The following CLDND1 variants were observed in gnomAD, a reference collection of about 807,000 sequenced individuals.
The protein encoded by CLDND1 is claudin domain containing 1.
CLDND1 carries 13 observed loss-of-function variants against 26.3 expected under a neutral mutation model. That is an observed-to-expected ratio of 0.49 (90% confidence interval 0.32 to 0.78). The LOEUF (loss-of-function observed/expected upper bound fraction) is 0.78, where lower values mean the gene tolerates loss of function less well. CLDND1 is among the 30% of genes least tolerant of loss of function. The pLI is 0.03. For missense variants in CLDND1, 289 were observed against 312.8 expected, an observed-to-expected ratio of 0.92 and a Z score of 0.57; for synonymous variants, 107 against 107.0, an observed-to-expected ratio of 1.00 and a Z score of 0.00.
intron 2 of CLDND1, among the ~76,000 whole-genome samples, chr3:98,520,150 C>T (rs1244857198): frequency 6.6e-6 from 1 of 152,176 alleles, no homozygotes; most frequent in Non-Finnish European, 1.5e-5. Flanking sequence ...GTTCTCCCAG[C>T]TAAGAGGCCC....
intron 3 of CLDND1, among the ~76,000 whole-genome samples, chr3:98,517,573 C>CA (rs1167108883): frequency 2.0e-5 from 3 of 151,998 alleles, no homozygotes; most frequent in African/African-American, 7.3e-5. Context: ...TACAAATTTA[C>CA]AAATATATAG....
In CLDND1 at chr3:98,520,908, C is replaced by A. The variant is rs372401831; in HGVS notation, c.292+225G>T. The stretch of plus-strand genomic sequence containing the variant: ...ATAAGAAAAAAAAAAGCCATTAAGG[C>A]TTTCCCAAGATAAGAAAAGTTCCTC... On this transcript the variant is annotated intron_variant, in intron 2 of 4. Transcript: ENST00000341181. 9 of 442,186 alleles carry A rather than the reference C, an allele frequency of 2.0e-5. No individual in the cohort carries two copies. In the East Asian group the frequency reaches 2.3e-4, roughly 11 times the overall value. 27.4% of individuals were successfully genotyped at this position (442,186 alleles called of 1,614,324 possible).
intron 2 of CLDND1, chr3:98,520,895 A>G (rs1409534304): frequency 1.2e-5 from 5 of 420,264 alleles, no homozygotes; most frequent in Non-Finnish European, 2.1e-5. Context: ...AAGAAAAAAA[A>G]AAGCCATTAA....
Position 98,517,080 on chromosome 3 carries a change from A to C in CLDND1, c.513T>G (p.Ile171Met), listed in dbSNP as rs1447035022. 2 of 1,614,202 alleles carry C rather than the reference A, an allele frequency of 1.2e-6. No homozygotes were observed. Among genetic ancestry groups the C allele is most frequent in the Non-Finnish European group, 1.7e-6 (2 of 1,180,022 alleles). The change falls in exon 4 of 5, where the codon ATT becomes ATG. Residue 171 changes from isoleucine (I) to methionine (M), a missense_variant. Ile to Met is a conservative substitution (Grantham distance 10). Transcript: ENST00000341181. The part of the protein sequence containing the change: ...ACICRSLYPT[I>M]ATGILHLLAG... ...CAAGGAGATGGAGAATGCCCGTGGCAATGGTGGGATATAAGCTTCGGCAAA... is the reference window on the plus strand; with the variant it reads ...CAAGGAGATGGAGAATGCCCGTGGCCATGGTGGGATATAAGCTTCGGCAAA...
At chr3:98,518,569 A>C (rs754290181) in intron 3 of CLDND1, among the ~76,000 whole-genome samples, 4 of 152,228 alleles carry the variant, frequency 2.6e-5, no homozygotes, top group Admixed American at 2.0e-4. Flanking sequence ...GTTTAATTCA[A>C]ATATAGGAAT....
At chr3:98,517,454 T>C (rs1576267623) in intron 3 of CLDND1, 1 of 379,856 alleles carries the variant, frequency 2.6e-6, no homozygotes. Context: ...TCTGTATTAA[T>C]CCTCCCAACA....
Position 98,516,339 on chromosome 3 carries a change from AAC to A in CLDND1, c.*318_*319del. ...TTACTTTAGTTTTACTGAAAAGTCT[AAC>A]AGACATTAGCACAACTTGTTTTCGG... On this transcript the variant is annotated 3_prime_UTR_variant, in exon 5 of 5. Coordinates refer to ENST00000341181, the MANE Select transcript of CLDND1 (RefSeq NM_001040181.2). The A allele has an allele frequency of 2.7e-6, 3 of 1,097,914 alleles. No individual in the cohort carries two copies. Among genetic ancestry groups the A allele is most frequent in the Non-Finnish European group, 3.3e-6 (3 of 900,840 alleles). The allele number at this position is 1,097,914 out of a possible 1,614,324, so 68.0% of individuals were successfully genotyped here.
intron 1 of CLDND1, chr3:98,522,586 A>G: frequency 4.4e-6 from 6 of 1,374,332 alleles, no homozygotes; most frequent in Non-Finnish European, 5.6e-6. Context: ...TCCAAGCCGG[A>G]CGCCTGCAGC....
At chr3:98,522,249 T>C (rs1302296944) in intron 1 of CLDND1, 2 of 158,274 alleles carry the variant, frequency 1.3e-5, no homozygotes, top group Non-Finnish European at 2.8e-5. Context: ...ACTCTCAACA[T>C]ATCAACACTC....
rs1285450441 is a variant in CLDND1 at position 98,519,098 on chromosome 3, G to A, written c.293-103C>T. On this transcript the variant is annotated intron_variant, in intron 2 of 4. Coordinates refer to ENST00000341181, the MANE Select transcript of CLDND1 (RefSeq NM_001040181.2). ...TAAAACAGTAAAGGATGTTTCCAGA[G>A]GGGTCAGCAACTTCTCTGGCCCTGA... is the stretch of plus-strand genomic sequence containing the variant. 3 of 699,116 alleles carry A rather than the reference G, an allele frequency of 4.3e-6. No homozygotes were observed. In the African/African-American group the frequency reaches 5.4e-5, roughly 13 times the overall value. The allele number at this position is 699,116 out of a possible 1,614,324, so 43.3% of individuals were successfully genotyped here. A position where few individuals can be genotyped will look rare whatever the true frequency, so the allele number is the denominator to read the frequency against.
At chr3:98,522,767 G>T in intron 1 of CLDND1, 82 bp downstream of exon 1, 1 of 1,611,200 alleles carries the variant, frequency 6.2e-7, no homozygotes, top group Non-Finnish European at 8.5e-7. Flanking sequence ...CCACGCCCGG[G>T]AAGGGGGCCC....
intron 3 of CLDND1, among the ~76,000 whole-genome samples, chr3:98,517,806 G>A (rs1190893060): frequency 1.3e-5 from 2 of 152,196 alleles, no homozygotes; most frequent in African/African-American, 2.4e-5. Flanking sequence ...GGAAACTGAG[G>A]CAAGAGTCAT....
intron 2 of CLDND1, among the ~76,000 whole-genome samples, chr3:98,519,656 GAGTCCTCC>G (rs1444425029): frequency 6.6e-6 from 1 of 152,154 alleles, no homozygotes; most frequent in Non-Finnish European, 1.5e-5. Flanking sequence ...ATTCTGCCTA[GAGTCCTCC>G]AGGATTTGCC....
Position 98,517,110 on chromosome 3 carries a change from A to G in CLDND1, c.483T>C (p.Ala161=), listed in dbSNP as rs761592909. The G allele has an allele frequency of 4.3e-6, 7 of 1,614,232 alleles. No individual in the cohort carries two copies. Among genetic ancestry groups the G allele is most frequent in the Non-Finnish European group, 5.1e-6 (6 of 1,180,026 alleles). ...TGGGATATAAGCTTCGGCAAATGCA[A>G]GCACAAAGTCCGATCAAAGCCCCAA... ...MCFGALIGLC[A]CICRSLYPTI... The change falls in exon 4 of 5, where the codon GCT becomes GCC. Residue 161 remains alanine, a synonymous_variant. Transcript: ENST00000341181.
intron 3 of CLDND1, among the ~76,000 whole-genome samples, chr3:98,517,869 A>G (rs1413226822): frequency 6.6e-6 from 1 of 152,208 alleles, no homozygotes; most frequent in Non-Finnish European, 1.5e-5. Context: ...TTTGATACAA[A>G]AATCAGTCTG....
chr3:98,518,473 G>C (rs888973860), intron 3 of CLDND1, among the ~76,000 whole-genome samples: 4 of 152,052 alleles, frequency 2.6e-5, no homozygotes, highest in Non-Finnish European at 5.9e-5. Context: ...AAACACTTTT[G>C]ACAGGCCTGA....
intron 3 of CLDND1, among the ~76,000 whole-genome samples, chr3:98,517,708 CT>C (rs1259687841): frequency 6.6e-6 from 1 of 152,170 alleles, no homozygotes; most frequent in African/African-American, 2.4e-5. Flanking sequence ...ATATAAGGTA[CT>C]TTAGCAACCT....
chr3:98,516,127 CTA>C lies in CLDND1; in HGVS notation c.*530_*531del, dbSNP rs1222345618. The C allele has an allele frequency of 1.9e-6, 2 of 1,065,858 alleles. No homozygotes were observed. The highest frequency in any genetic ancestry group is 2.3e-6 in the Non-Finnish European group (2 of 874,824). 66.0% of individuals were successfully genotyped at this position (1,065,858 alleles called of 1,614,324 possible). A position where few individuals can be genotyped will look rare whatever the true frequency, so the allele number is the denominator to read the frequency against. On this transcript the variant is annotated 3_prime_UTR_variant, in exon 5 of 5. Coordinates refer to ENST00000341181, the MANE Select transcript of CLDND1 (RefSeq NM_001040181.2). Reference sequence around the variant, plus strand: ...CTGCCATATCTCACCTCAGATGAAGCTATGTGTCAATGCTTAGGGAAAATGAT... The same window carrying C: ...CTGCCATATCTCACCTCAGATGAAGCTGTGTCAATGCTTAGGGAAAATGAT...
At position 98,516,266 on chromosome 3, in the gene CLDND1, A is replaced by G; in HGVS notation, c.*393T>C. The G allele has an allele frequency of 2.9e-6, 3 of 1,028,460 alleles. No homozygotes were observed. The highest frequency in any genetic ancestry group is 3.5e-6 in the Non-Finnish European group (3 of 856,614). 63.7% of individuals were successfully genotyped at this position (1,028,460 alleles called of 1,614,324 possible). On this transcript the variant is annotated 3_prime_UTR_variant, in exon 5 of 5. Coordinates refer to ENST00000341181, the MANE Select transcript of CLDND1 (RefSeq NM_001040181.2). ...GTGAACATAAAGTTTTGACGATGAG[A>G]GGTTTCCCAAAGAAACTAATATAGA...
Sources: allele counts gnomAD v4.1 joint callset (sites outside exome capture counted in the v4.1 genomes callset), GRCh38; gene constraint gnomAD v4.1.1; transcripts MANE v1.5; gene names NCBI Gene and HGNC (gene_info 2026-07-23, HGNC 2026-07-21).